AGBL4: variants seen among roughly 807,000 people sequenced by gnomAD.
AGBL4 encodes AGBL carboxypeptidase 4, also known as cytosolic carboxypeptidase 6.
Under a neutral mutation model 66.4 loss-of-function variants are expected in AGBL4, and 58 were observed. That is an observed-to-expected ratio of 0.87 (90% CI 0.71 to 1.09). The LOEUF is 1.09. Ranked by LOEUF, AGBL4 falls within the 50% of genes least tolerant of loss-of-function variation. AGBL4 has a pLI of 0.00. For synonymous variants in AGBL4, 234 were observed against 222.9 expected (o/e 1.05, Z -0.44); for missense variants, 579 against 631.0 (o/e 0.92, Z 0.88).
chr1:48,900,082 C>T (rs1651937894), intron 5 of AGBL4, among the ~76,000 whole-genome samples: 1 of 152,040 alleles, frequency 6.6e-6, no homozygotes, highest in Non-Finnish European at 1.5e-5. Flanking sequence ...GGTTGGAGTG[C>T]TCCAGTCAGA....
At chr1:49,173,710 T>C (rs1646779872) in intron 4 of AGBL4, among the ~76,000 whole-genome samples, 1 of 152,134 alleles carries the variant, frequency 6.6e-6, no homozygotes, top group Non-Finnish European at 1.5e-5. Flanking sequence ...CAATTTTAAA[T>C]TGTGTGGTCA....
At chr1:48,591,097 CCCA>C in intron 9 of AGBL4, 112 bp from the exon 10 acceptor site, 7 of 751,790 alleles carry the variant, frequency 9.3e-6, no homozygotes, top group East Asian at 5.5e-5. Context: ...CCCACCCCCC[CCCA>C]CACACACACA....
intron 6 of AGBL4, among the ~76,000 whole-genome samples, chr1:48,739,097 G>A (rs1202091676): frequency 6.6e-6 from 1 of 152,190 alleles, no homozygotes; most frequent in East Asian, 1.9e-4. Flanking sequence ...TCAATGTTCA[G>A]TTAGTTTTCC....
At chr1:49,097,076 G>T (rs1418562586) in intron 4 of AGBL4, among the ~76,000 whole-genome samples, 1 of 152,142 alleles carries the variant, frequency 6.6e-6, no homozygotes, top group Non-Finnish European at 1.5e-5. Flanking sequence ...AATTGTAAGA[G>T]AATAAAATTG....
In AGBL4 at chr1:49,743,538, A is replaced by C. The variant is rs554222248; in HGVS notation, c.158-46101T>G. Among the ~76,000 whole-genome samples the C allele has an allele frequency of 1.6e-4, 24 of 152,270 alleles. No homozygotes were observed. The South Asian group carries it at 2.5e-3, about 16-fold the overall frequency. On this transcript the variant is annotated intron_variant, in intron 2 of 13. Coordinates refer to ENST00000371839, the MANE Select transcript of AGBL4 (RefSeq NM_032785.4). ...GAACTAGAAATACCATTTGACCCAG[A>C]CATCCCATTACTGGGTATATACCCA...
At chr1:49,571,212 T>C (rs980852185) in intron 3 of AGBL4, among the ~76,000 whole-genome samples, 4 of 152,116 alleles carry the variant, frequency 2.6e-5, no homozygotes, top group Admixed American at 2.6e-4. Flanking sequence ...ATTCTTCAGG[T>C]ACATCACCAG....
At chr1:49,163,128 G>A (rs1413337985) in intron 4 of AGBL4, among the ~76,000 whole-genome samples, 1 of 152,150 alleles carries the variant, frequency 6.6e-6, no homozygotes, top group Non-Finnish European at 1.5e-5. Context: ...GATAACGCTT[G>A]GAACTATTTT....
intron 9 of AGBL4, among the ~76,000 whole-genome samples, chr1:48,594,801 G>A (rs1644970720): frequency 6.6e-6 from 1 of 151,944 alleles, no homozygotes; most frequent in South Asian, 2.1e-4. Context: ...CATTTGGTTG[G>A]GATCAAATGG....
intron 3 of AGBL4, among the ~76,000 whole-genome samples, chr1:49,316,367 G>T (rs1570419301): frequency 6.6e-6 from 1 of 151,814 alleles, no homozygotes; most frequent in African/African-American, 2.4e-5. Flanking sequence ...TGGTGAGGGG[G>T]TAAACAAAAC....
intron 5 of AGBL4, among the ~76,000 whole-genome samples, chr1:48,915,837 G>C (rs904212355): frequency 2.0e-5 from 3 of 151,920 alleles, no homozygotes; most frequent in African/African-American, 7.3e-5. Context: ...CTTTGGATTG[G>C]GCCTGATAGG....
At chr1:49,818,327 G>T (rs1236704381) in intron 2 of AGBL4, among the ~76,000 whole-genome samples, 2 of 149,898 alleles carry the variant, frequency 1.3e-5, no homozygotes, top group Non-Finnish European at 3.0e-5. Context: ...AATCATATGG[G>T]TTTTTTTTAG....
chr1:49,488,279 T>C (rs1236708893), intron 3 of AGBL4, among the ~76,000 whole-genome samples: 1 of 151,698 alleles, frequency 6.6e-6, no homozygotes, highest in Non-Finnish European at 1.5e-5. Flanking sequence ...TTATATATTC[T>C]TTGTCCACAT....
At chr1:49,433,953 G>C (rs1034893579) in intron 3 of AGBL4, among the ~76,000 whole-genome samples, 9 of 152,162 alleles carry the variant, frequency 5.9e-5, no homozygotes, top group Non-Finnish European at 1.2e-4. Context: ...TCCAACATCA[G>C]AGTTAGGGTG....
chr1:49,761,498 A>C (rs1453435029), intron 2 of AGBL4, among the ~76,000 whole-genome samples: 9 of 152,190 alleles, frequency 5.9e-5, no homozygotes, highest in Admixed American at 5.9e-4. Context: ...CCTAGCTTTG[A>C]GACCTTCGTT....
intron 4 of AGBL4, among the ~76,000 whole-genome samples, chr1:49,178,842 T>C (rs1436975469): frequency 6.6e-6 from 1 of 152,182 alleles, no homozygotes; most frequent in African/African-American, 2.4e-5. Context: ...ATGAATATAA[T>C]CTTTAATTAG....
chr1:49,537,863 C>T (rs1055155763), intron 3 of AGBL4, among the ~76,000 whole-genome samples: 6 of 151,236 alleles, frequency 4.0e-5, no homozygotes, highest in African/African-American at 1.5e-4. Flanking sequence ...GGAGGTGGAG[C>T]TTGTAGTGAG....
At chr1:49,643,303 A>G (rs1645821076) in intron 3 of AGBL4, among the ~76,000 whole-genome samples, 1 of 151,762 alleles carries the variant, frequency 6.6e-6, no homozygotes, top group Non-Finnish European at 1.5e-5. Context: ...TAGAGGGGAA[A>G]AAAAGACAAT....
At chr1:49,304,174 T>C (rs541679559) in intron 3 of AGBL4, among the ~76,000 whole-genome samples, 1 of 152,200 alleles carries the variant, frequency 6.6e-6, no homozygotes, top group Admixed American at 6.5e-5. Context: ...AAGGAAGGAG[T>C]CCAGTTTCAA....
chr1:49,701,412 G>A (rs1647091564), intron 2 of AGBL4, among the ~76,000 whole-genome samples: 1 of 152,016 alleles, frequency 6.6e-6, no homozygotes, highest in South Asian at 2.1e-4. Context: ...ACTTTTGGAG[G>A]TAATGGATAT....
Sources: gnomAD v4.1 joint callset for allele counts (sites outside exome capture counted in the v4.1 genomes callset) on GRCh38, gnomAD v4.1.1 for gene constraint, MANE v1.5 for transcripts, NCBI Gene and HGNC (gene_info 2026-07-23, HGNC 2026-07-21) for gene names.